The following POM121C variants were observed in gnomAD, a reference collection of about 807,000 sequenced individuals.
The protein encoded by POM121C is POM121 transmembrane nucleoporin C, also known as nuclear envelope pore membrane protein POM 121C.
A neutral mutation model predicts 66.4 loss-of-function variants in POM121C; 20 were observed. That is an observed-to-expected ratio of 0.30 (90% CI 0.21 to 0.44). The LOEUF (loss-of-function observed/expected upper bound fraction) is 0.44. Among genes scored for constraint, POM121C ranks in the 20% least tolerant of loss-of-function variants. The pLI, the probability that POM121C is intolerant of heterozygous loss-of-function variation, is 1.00. For missense variants in POM121C, 580 were observed against 1,225.7 expected (o/e 0.47, Z 7.87); for synonymous variants, 286 against 528.0 (o/e 0.54, Z 6.28).
intron 3 of POM121C, among the ~76,000 whole-genome samples, chr7:75,467,005 T>C (rs1353472822): frequency 6.6e-6 from 1 of 152,218 alleles, no homozygotes; most frequent in Non-Finnish European, 1.5e-5. Context: ...GAGAACGAGC[T>C]AAATCAGAAG....
At chr7:75,442,087 T>C (rs1584675513) in intron 3 of POM121C, 2 of 1,361,468 alleles carry the variant, frequency 1.5e-6, no homozygotes, top group Middle Eastern at 2.2e-4. Flanking sequence ...AAAAGTCAAG[T>C]CCTCGATTTC....
In POM121C at chr7:75,424,140, G is replaced by A. The variant is rs369708759; in HGVS notation, c.957C>T (p.Ser319=). ...TFTLPAAATA[S]PPTSLLAPST... The stretch of plus-strand genomic sequence containing the variant: ...TTGGGGCCAGGAGGGAGGTGGGTGG[G>A]GAGGCAGTTGCAGCAGCAGGCAGGG... The change falls in exon 12 of 15, where the codon TCC becomes TCT. Residue 319 remains serine, a synonymous_variant. Transcript: ENST00000615331. 1.2e-6 allele frequency: 2 copies of A among 1,611,920 alleles called. No homozygotes were observed. The highest frequency in any genetic ancestry group is 2.7e-5 in the African/African-American group (2 of 74,858).
chr7:75,460,163 A>G (rs1193423667), intron 3 of POM121C, among the ~76,000 whole-genome samples: 2 of 145,364 alleles, frequency 1.4e-5, no homozygotes, highest in Non-Finnish European at 3.0e-5. Flanking sequence ...TTCTAAACAC[A>G]GCAATCAAAA....
At chr7:75,427,165 C>T (rs1200676329) in intron 7 of POM121C, among the ~76,000 whole-genome samples, 2 of 152,350 alleles carry the variant, frequency 1.3e-5, no homozygotes, top group South Asian at 4.1e-4. Context: ...GTGGCTCACG[C>T]CTGTAATCCC....
intron 7 of POM121C, among the ~76,000 whole-genome samples, chr7:75,432,855 G>T (rs782090220): frequency 6.6e-6 from 1 of 152,086 alleles, no homozygotes; most frequent in Non-Finnish European, 1.5e-5. Context: ...GACTCGGATC[G>T]CTGGGACAGA....
chr7:75,449,999 C>A (rs1342441635), intron 3 of POM121C, among the ~76,000 whole-genome samples: 1 of 151,952 alleles, frequency 6.6e-6, no homozygotes, highest in African/African-American at 2.4e-5. Flanking sequence ...GGAGACAGAG[C>A]ATGACTCCAT....
chr7:75,434,818 G>A (rs1159553462), intron 7 of POM121C, among the ~76,000 whole-genome samples: 2 of 151,826 alleles, frequency 1.3e-5, no homozygotes, highest in Non-Finnish European at 2.9e-5. Flanking sequence ...CAGGTGATCT[G>A]CCTGCCTCGG....
At chr7:75,433,638 C>T (rs7783803) in intron 7 of POM121C, among the ~76,000 whole-genome samples, 9,838 of 152,120 alleles carry the variant, frequency 0.065, 1,070 homozygotes, top group African/African-American at 0.22. Flanking sequence ...GGATTACAGG[C>T]GTGAGCCACT....
At chr7:75,430,050 T>G (rs236670) in intron 7 of POM121C, among the ~76,000 whole-genome samples, 2,010 of 152,286 alleles carry the variant, frequency 0.013, 22 homozygotes, top group Non-Finnish European at 0.016. Context: ...GTTCATAGAT[T>G]AGAAGTAAAC....
At chr7:75,436,656 G>A (rs1428891200) in intron 7 of POM121C, among the ~76,000 whole-genome samples, 1 of 152,052 alleles carries the variant, frequency 6.6e-6, no homozygotes, top group Non-Finnish European at 1.5e-5. Context: ...CCCACTTACT[G>A]ACAGCCACTG....
In POM121C at chr7:75,440,829, A is replaced by C. The variant is rs1306178633; in HGVS notation, c.227+125T>G. On this transcript the variant is annotated intron_variant, in intron 5 of 14. Coordinates refer to ENST00000615331, the MANE Select transcript of POM121C (RefSeq NM_001099415.3). ...GTTATTAGGTTCTCTCATGAAAGCCAAAGAAGGAGGCCTATGAAGGCTCAC... is the reference window on the plus strand; with the variant it reads ...GTTATTAGGTTCTCTCATGAAAGCCCAAGAAGGAGGCCTATGAAGGCTCAC... 8.2e-5 allele frequency: 125 copies of C among 1,517,334 alleles called. 1 individual carries two copies. Among genetic ancestry groups the C allele is most frequent in the Admixed American group, 2.2e-4 (12 of 53,674 alleles). The allele number at this position is 1,517,334 out of a possible 1,614,324, so 94.0% of individuals were successfully genotyped here.
At position 75,425,695 on chromosome 7, in the gene POM121C, A is replaced by G. The variant is rs1554471640; in HGVS notation, c.586T>C (p.Cys196Arg). ...PAKKIREEEL[C>R]HHSSSSTPLA... ...GGAGTTGAAGAACTGGAATGATGAC[A>G]CAGCTCTTCTTCTCTGTTGGGAAAA... Residue 196 changes from cysteine (C) to arginine (R), a missense_variant, in exon 9 of 15, where the codon TGT becomes CGT. Coordinates refer to ENST00000615331, the MANE Select transcript of POM121C (RefSeq NM_001099415.3). The G allele has an allele frequency of 1.2e-6, 2 of 1,612,934 alleles. No individual in the cohort carries two copies. Among genetic ancestry groups the G allele is most frequent in the Non-Finnish European group, 1.7e-6 (2 of 1,179,488 alleles).
Position 75,446,897 on chromosome 7 carries a change from A to G in POM121C, c.-151-5250T>C, listed in dbSNP as rs1790828940. Among the ~76,000 whole-genome samples, 4 of 143,382 alleles carry G rather than the reference A, an allele frequency of 2.8e-5. No individual in the cohort carries two copies. The South Asian group carries it at 9.1e-4, about 33-fold the overall frequency. 94.1% of individuals were successfully genotyped at this position (143,382 alleles called of 152,430 possible). A position where few individuals can be genotyped will look rare whatever the true frequency, so the allele number is the denominator to read the frequency against. Reference sequence around the variant, plus strand: ...GTGGCGGGCGCCTGTAGTCCCAGCTACTCGGGAGGCTGAGGCAAGAGAATG... The same window carrying G: ...GTGGCGGGCGCCTGTAGTCCCAGCTGCTCGGGAGGCTGAGGCAAGAGAATG... On this transcript the variant is annotated intron_variant, in intron 3 of 14. Transcript: ENST00000615331.
intron 3 of POM121C, among the ~76,000 whole-genome samples, chr7:75,465,650 G>A (rs1328146332): frequency 1.3e-5 from 2 of 151,384 alleles, no homozygotes; most frequent in Non-Finnish European, 2.9e-5. Flanking sequence ...CTACTCTGGA[G>A]GCTGAGGCAG....
At chr7:75,433,307 T>C (rs587623512) in intron 7 of POM121C, among the ~76,000 whole-genome samples, 1 of 150,934 alleles carries the variant, frequency 6.6e-6, no homozygotes, top group South Asian at 2.1e-4. Context: ...CAATTACCAG[T>C]TTCTAATATA....
chr7:75,474,046 C>A (rs1791975709), intron 3 of POM121C, among the ~76,000 whole-genome samples: 1 of 152,092 alleles, frequency 6.6e-6, no homozygotes, highest in South Asian at 2.1e-4. Context: ...AAAGAATGAA[C>A]ATAAAAGTCT....
chr7:75,443,961 A>T (rs1790750370), intron 3 of POM121C, among the ~76,000 whole-genome samples: 1 of 77,850 alleles, frequency 1.3e-5, no homozygotes, highest in African/African-American at 3.7e-5. Flanking sequence ...AAAAAAAAAA[A>T]GTTGTGATAA....
chr7:75,430,969 G>A (rs770501481), intron 7 of POM121C, among the ~76,000 whole-genome samples: 78 of 150,874 alleles, frequency 5.2e-4, no homozygotes, highest in Non-Finnish European at 8.4e-4. Flanking sequence ...CCAGCTACTC[G>A]GGAGGCTGAG....
intron 7 of POM121C, among the ~76,000 whole-genome samples, chr7:75,435,837 G>A (rs1330836286): frequency 6.6e-6 from 1 of 152,226 alleles, no homozygotes; most frequent in Non-Finnish European, 1.5e-5. Context: ...ATCACCTGAG[G>A]TCATGAGTTC....
Sources: allele counts gnomAD v4.1 joint callset (sites outside exome capture counted in the v4.1 genomes callset), GRCh38; gene constraint gnomAD v4.1.1; transcripts MANE v1.5; gene names NCBI Gene and HGNC (gene_info 2026-07-23, HGNC 2026-07-21).